COL23A1: variants seen among roughly 807,000 people sequenced by gnomAD.
COL23A1 encodes collagen alpha-1(XXIII) chain.
Under a neutral mutation model 99.3 loss-of-function variants are expected in COL23A1, and 97 were observed. The observed-to-expected ratio is 0.98, with a 90% CI of 0.83 to 1.16. The LOEUF is 1.16. Among genes scored for constraint, COL23A1 ranks in the 50% most tolerant of loss-of-function variants. The pLI, the probability that COL23A1 is intolerant of heterozygous loss-of-function variation, is 0.00. For missense variants in COL23A1, 762 were observed against 757.4 expected (o/e 1.01, Z -0.07); for synonymous variants, 320 against 308.2 (o/e 1.04, Z -0.40).
chr5:178,482,836 A>G (rs1365402865), intron 2 of COL23A1, among the ~76,000 whole-genome samples: 1 of 152,168 alleles, frequency 6.6e-6, no homozygotes, highest in Non-Finnish European at 1.5e-5. Flanking sequence ...TGGGAGGCAG[A>G]GCTTGCAGTG....
At chr5:178,564,617 A>C (rs575495211) in intron 1 of COL23A1, among the ~76,000 whole-genome samples, 19 of 152,302 alleles carry the variant, frequency 1.2e-4, no homozygotes, top group Admixed American at 1.2e-3. Flanking sequence ...GACTTTGGGC[A>C]AGTTCCCTTC....
At chr5:178,528,350 A>G (rs1396641896) in intron 2 of COL23A1, among the ~76,000 whole-genome samples, 1 of 152,106 alleles carries the variant, frequency 6.6e-6, no homozygotes, top group Non-Finnish European at 1.5e-5. Flanking sequence ...CTTTTCTGCT[A>G]ATGACAGCCT....
At chr5:178,498,205 AATATATATATATATAT>A (rs1159261586) in intron 2 of COL23A1, among the ~76,000 whole-genome samples, 444 of 34,634 alleles carry the variant, frequency 0.013, 10 homozygotes, top group East Asian at 0.1. Context: ...TCTTTATTTA[AATATATATATATATAT>A]ATATATATAT....
chr5:178,455,210 A>G (rs1767705098), intron 2 of COL23A1, among the ~76,000 whole-genome samples: 1 of 152,160 alleles, frequency 6.6e-6, no homozygotes, highest in African/African-American at 2.4e-5. Context: ...AACCCGTACC[A>G]CTGAGCAGTC....
At chr5:178,430,186 T>C (rs1766179391) in intron 2 of COL23A1, among the ~76,000 whole-genome samples, 1 of 152,150 alleles carries the variant, frequency 6.6e-6, no homozygotes, top group African/African-American at 2.4e-5. Context: ...TGCTGCATTA[T>C]CTTGATTGGA....
At chr5:178,287,332 C>CA (rs1423023543) in intron 5 of COL23A1, among the ~76,000 whole-genome samples, 22 of 152,228 alleles carry the variant, frequency 1.4e-4, no homozygotes, top group Admixed American at 5.9e-4. Flanking sequence ...AGCACGGGGC[C>CA]ACTCCAGCAT....
intron 2 of COL23A1, among the ~76,000 whole-genome samples, chr5:178,516,549 C>CT (rs1415329108): frequency 6.6e-6 from 1 of 152,246 alleles, no homozygotes; most frequent in Non-Finnish European, 1.5e-5. Context: ...CCCCTGCCAC[C>CT]ACCAGGCATA....
intron 2 of COL23A1, among the ~76,000 whole-genome samples, chr5:178,531,262 T>C (rs1295809339): frequency 1.3e-5 from 2 of 152,156 alleles, no homozygotes; most frequent in Non-Finnish European, 2.9e-5. Context: ...GATAATACAG[T>C]TCAACTCTCC....
chr5:178,572,355 A>T (rs191005031), intron 1 of COL23A1, among the ~76,000 whole-genome samples: 6 of 152,256 alleles, frequency 3.9e-5, no homozygotes, highest in African/African-American at 1.2e-4. Flanking sequence ...AGAAAAAAAA[A>T]TTTTGAAGAA....
Position 178,288,328 on chromosome 5 carries a change from T to C in COL23A1, c.437A>G (p.Tyr146Cys). ...GPPGQSGRDGYPGPLGLDGKP... is the reference protein window; with the variant it reads ...GPPGQSGRDGCPGPLGLDGKP... ...AAAAAATAAATGACAAATTACCGGG[T>C]AGCCATCTCGTCCTGATTGCCCCTG... The change falls in exon 5 of 29, where the codon TAC (tyrosine) becomes TGC (cysteine). Residue 146 changes from tyrosine to cysteine, a missense_variant. Physicochemically the swap from Tyr to Cys is radical, Grantham distance 194. Coordinates refer to ENST00000390654, the MANE Select transcript of COL23A1 (RefSeq NM_173465.4). 6.3e-7 allele frequency: 1 copy of C among 1,585,454 alleles called. No homozygotes were observed. Among genetic ancestry groups the C allele is most frequent in the Non-Finnish European group, 8.7e-7 (1 of 1,153,708 alleles).
chr5:178,257,468 T>C, intron 13 of COL23A1, 55 bp downstream of exon 13: 1 of 1,544,538 alleles, frequency 6.5e-7, no homozygotes, highest in Non-Finnish European at 8.8e-7. Flanking sequence ...ACCAGGTAGA[T>C]GGGAACCATG....
intron 2 of COL23A1, among the ~76,000 whole-genome samples, chr5:178,495,938 G>A (rs899291331): frequency 6.6e-6 from 1 of 152,182 alleles, no homozygotes; most frequent in Admixed American, 6.5e-5. Context: ...ACAGCCCAGA[G>A]AGGGAAGTAA....
intron 2 of COL23A1, among the ~76,000 whole-genome samples, chr5:178,467,849 A>T (rs1245630395): frequency 3.3e-5 from 5 of 152,244 alleles, no homozygotes; most frequent in African/African-American, 1.2e-4. Context: ...GAAGTTATGA[A>T]ATTATAAGCG....
intron 4 of COL23A1, 84 bp from the exon 5 acceptor site, chr5:178,288,434 C>G: frequency 1.7e-6 from 2 of 1,154,088 alleles, no homozygotes; most frequent in Non-Finnish European, 2.6e-6. Context: ...GGGCCCAGAC[C>G]CACACCCGCC....
rs763193175 is a variant in COL23A1 at position 178,254,953 on chromosome 5, AGG to A, written c.954_955del (p.Leu319GlnfsTer67). ...TGGTCCCACCAGGAACACTACCTTG[AGG>A]GCATCCAAGATCCTGCCATCATAGT... On this transcript the variant is annotated frameshift_variant, in exon 16 of 29. Coordinates refer to ENST00000390654, the MANE Select transcript of COL23A1 (RefSeq NM_173465.4). LOFTEE classifies it high-confidence loss of function. The A allele has an allele frequency of 6.2e-7, 1 of 1,613,218 alleles. No individual in the cohort carries two copies. The highest frequency in any genetic ancestry group is 8.5e-7 in the Non-Finnish European group (1 of 1,179,396).
intron 2 of COL23A1, among the ~76,000 whole-genome samples, chr5:178,486,272 C>T (rs940083479): frequency 5.9e-5 from 9 of 152,160 alleles, no homozygotes; most frequent in Admixed American, 3.9e-4. Context: ...CAGTGGGTGA[C>T]GTGTTCAAGC....
chr5:178,565,350 T>A (rs1762790519), intron 1 of COL23A1, among the ~76,000 whole-genome samples: 1 of 152,134 alleles, frequency 6.6e-6, no homozygotes, highest in South Asian at 2.1e-4. Flanking sequence ...AGCTCCAGGG[T>A]CCATCCTGTG....
At position 178,415,951 on chromosome 5, in the gene COL23A1, G is replaced by C. The variant is rs145921207; in HGVS notation, c.362-109032C>G. ...AGAGAGCTTTCAGGAGGTGAAGTCA[G>C]AGCTGGGCCCTGAAGGATGGGACCA... On this transcript the variant is annotated intron_variant, in intron 2 of 28. Transcript: ENST00000390654. The surrounding 1 kb of genome is among the most constrained non-coding windows in gnomAD (Gnocchi z 4.6). Among the ~76,000 whole-genome samples, 4 of 152,282 alleles carry C rather than the reference G, an allele frequency of 2.6e-5. No homozygotes were observed. The East Asian group carries it at 5.8e-4, about 22-fold the overall frequency.
chr5:178,449,772 CA>C (rs779505759), intron 2 of COL23A1, among the ~76,000 whole-genome samples: 8 of 151,900 alleles, frequency 5.3e-5, no homozygotes, highest in Non-Finnish European at 1.0e-4. Flanking sequence ...AAATTATACA[CA>C]AAGCACCCTT....
Sources: gnomAD v4.1 joint callset for allele counts (sites outside exome capture counted in the v4.1 genomes callset) on GRCh38, gnomAD v4.1.1 for gene constraint, Gnocchi (gnomAD v3.1) non-coding constraint, MANE v1.5 for transcripts, NCBI Gene and HGNC (gene_info 2026-07-23, HGNC 2026-07-21) for gene names.